Variants in KDM2B observed in about 807,000 individuals in gnomAD.
KDM2B encodes lysine demethylase 2B.
In KDM2B, 26 loss-of-function variants were observed where a neutral mutation model predicts 150.0. The observed-to-expected ratio is 0.17, with a 90% CI of 0.13 to 0.24. The LOEUF is 0.24. KDM2B is among the 10% of genes least tolerant of loss of function. KDM2B has a pLI of 1.00. For missense variants in KDM2B, 1,265 were observed against 1,816.9 expected (o/e 0.70, Z 5.52); for synonymous variants, 734 against 729.5 (o/e 1.01, Z -0.10).
chr12:121,421,395 A>AAAT, the KDM2B span, among the ~76,000 whole-genome samples: 24 of 149,834 alleles, frequency 1.6e-4, no homozygotes, highest in African/African-American at 5.4e-4. Flanking sequence ...AAAAAAAAAA[A>AAAT]AAACCAAAAA....
At position 121,546,469 on chromosome 12, in the gene KDM2B, A is replaced by T. The variant is rs1555310701; in HGVS notation, c.683+2408T>A. 6.5e-5 allele frequency among the ~76,000 whole-genome samples: 8 copies of T among 124,028 alleles called. No homozygotes were observed. The South Asian group carries it at 2.0e-3, about 32-fold the overall frequency. The allele number at this position is 124,028 out of a possible 152,430, so 81.4% of individuals were successfully genotyped here. A position where few individuals can be genotyped will look rare whatever the true frequency, so the allele number is the denominator to read the frequency against. On this transcript the variant is annotated intron_variant, in intron 6 of 22. Transcript: ENST00000377071. The stretch of plus-strand genomic sequence containing the variant: ...GCGATCTCGGCTCACTGCAAGCTCC[A>T]CCTCCTGGGTTCACATCATTCTCCT...
chr12:121,534,646 T>C, intron 6 of KDM2B, 56 bp from the exon 7 acceptor site: 1 of 1,340,672 alleles, frequency 7.5e-7, no homozygotes, highest in Non-Finnish European at 1.1e-6. Context: ...TCACAAGACG[T>C]AAGCAAAGGA....
At chr12:121,440,458 C>T (rs1226581665) in intron 21 of KDM2B, 3 of 379,432 alleles carry the variant, frequency 7.9e-6, no homozygotes, top group African/African-American at 4.1e-5. Flanking sequence ...ACACTGATCC[C>T]GATGGCAGTG....
In KDM2B at chr12:121,479,328, A is replaced by G. The variant is rs536226769; in HGVS notation, c.1734+15251T>C. ...TAAAAATACAAAAAATTAGCCAGGC[A>G]TGGTGGCGGGTGCCTGTAGTCCCAG... On this transcript the variant is annotated intron_variant, in intron 12 of 22. Transcript: ENST00000377071. Among the ~76,000 whole-genome samples the G allele has an allele frequency of 3.8e-3, 546 of 145,158 alleles. 2 individuals carry two copies. Among genetic ancestry groups the G allele is most frequent in the African/African-American group, 9.6e-3 (384 of 40,096 alleles).
chr12:121,569,661 G>A (rs925797238), intron 4 of KDM2B, among the ~76,000 whole-genome samples: 4 of 152,136 alleles, frequency 2.6e-5, no homozygotes, highest in Non-Finnish European at 4.4e-5. Flanking sequence ...CTCAGAGACC[G>A]AAATGGGCAT....
intron 12 of KDM2B, among the ~76,000 whole-genome samples, chr12:121,477,743 A>G (rs1314491298): frequency 1.3e-5 from 2 of 151,882 alleles, no homozygotes; most frequent in African/African-American, 4.8e-5. Context: ...ACACCCAGCT[A>G]ATTTTTATAT....
At position 121,442,858 on chromosome 12, in the gene KDM2B, C is replaced by A; in HGVS notation, c.2605-22G>T. 1.3e-6 allele frequency: 2 copies of A among 1,518,104 alleles called. No homozygotes were observed. Among genetic ancestry groups the A allele is most frequent in the Non-Finnish European group, 1.8e-6 (2 of 1,137,932 alleles). The allele number at this position is 1,518,104 out of a possible 1,614,324, so 94.0% of individuals were successfully genotyped here. A position where few individuals can be genotyped will look rare whatever the true frequency, so the allele number is the denominator to read the frequency against. ...GCCGCTGAGGGCGAGAGCGGAGACG[C>A]GTCAGCCTCTGGGGCTCAGGGCTGC... On this transcript the variant is annotated intron_variant, in intron 18 of 22. Transcript: ENST00000377071. This position sits in a 1 kb window ranked among gnomAD's most constrained non-coding sequence, Gnocchi z 7.7.
intron 12 of KDM2B, among the ~76,000 whole-genome samples, chr12:121,460,053 T>C (rs1376014898): frequency 6.6e-6 from 1 of 152,202 alleles, no homozygotes; most frequent in East Asian, 1.9e-4. Context: ...AAATGGCCAG[T>C]AAGCACATGA....
Position 121,467,942 on chromosome 12 carries a change from C to A in KDM2B, c.1735-14598G>T, listed in dbSNP as rs1880302001. ...ATAAGCTCTGAGAGCCCAGTCTCCC[C>A]CGACGCGGGCGGTTGGGCTGGGCCG... is the stretch of plus-strand genomic sequence containing the variant. On this transcript the variant is annotated intron_variant, in intron 12 of 22. Coordinates refer to ENST00000377071, the MANE Select transcript of KDM2B (RefSeq NM_032590.5). This position sits in a 1 kb window ranked among gnomAD's most constrained non-coding sequence, Gnocchi z 5.1. The A allele has an allele frequency of 6.5e-6, 1 of 152,704 alleles. No homozygotes were observed. 9.5% of individuals were successfully genotyped at this position (152,704 alleles called of 1,614,324 possible).
intron 22 of KDM2B, among the ~76,000 whole-genome samples, chr12:121,438,036 C>T (rs1386582592): frequency 6.6e-6 from 1 of 151,922 alleles, no homozygotes; most frequent in Non-Finnish European, 1.5e-5. Flanking sequence ...GGTGGATCAC[C>T]TGAGGTGAGG....
At chr12:121,570,439 G>T (rs1333277949) in intron 4 of KDM2B, among the ~76,000 whole-genome samples, 1 of 152,022 alleles carries the variant, frequency 6.6e-6, no homozygotes, top group Non-Finnish European at 1.5e-5. Context: ...TCCTACCTTG[G>T]CCTCCCAAAG....
Position 121,468,924 on chromosome 12 carries a change from A to C in KDM2B, c.1735-15580T>G. 1 of 151,816 alleles carries C rather than the reference A, an allele frequency of 6.6e-6. No individual in the cohort carries two copies. Among genetic ancestry groups the C allele is most frequent in the African/African-American group, 2.4e-5 (1 of 41,292 alleles). 9.4% of individuals were successfully genotyped at this position (151,816 alleles called of 1,614,324 possible). A position where few individuals can be genotyped will look rare whatever the true frequency, so the allele number is the denominator to read the frequency against. On this transcript the variant is annotated intron_variant, in intron 12 of 22. Transcript: ENST00000377071. The surrounding 1 kb of genome is among the most constrained non-coding windows in gnomAD (Gnocchi z 4.0). ...CCTTACTCTCCTTTTTTTGAGACAG[A>C]CTCTCACTCTGTCGCCCAGGCTGGA...
In KDM2B at chr12:121,492,494, G is replaced by C. The variant is rs1477905357; in HGVS notation, c.1734+2085C>G. Among the ~76,000 whole-genome samples, 3 of 151,416 alleles carry C rather than the reference G, an allele frequency of 2.0e-5. No homozygotes were observed. The East Asian group carries it at 6.0e-4, about 30-fold the overall frequency. ...AGTTAATTTTTGTATTTTTAGTAGAGACGGAGTTTCGCCATGTTGGCCAGG... is the reference window on the plus strand; with the variant it reads ...AGTTAATTTTTGTATTTTTAGTAGACACGGAGTTTCGCCATGTTGGCCAGG... On this transcript the variant is annotated intron_variant, in intron 12 of 22. Coordinates refer to ENST00000377071, the MANE Select transcript of KDM2B (RefSeq NM_032590.5).
intron 4 of KDM2B, among the ~76,000 whole-genome samples, chr12:121,550,018 A>G (rs1034664541): frequency 5.9e-5 from 9 of 152,084 alleles, no homozygotes; most frequent in African/African-American, 1.9e-4. Flanking sequence ...TCTACTAAAA[A>G]TACAAAGATG....
At chr12:121,580,322 G>A in intron 1 of KDM2B, 2 of 1,047,970 alleles carry the variant, frequency 1.9e-6, no homozygotes, top group Non-Finnish European at 1.1e-6. Context: ...CTCGGAGCCC[G>A]CGGCCGGGCT....
In KDM2B at chr12:121,509,648, C is replaced by T. The variant is rs782207043; in HGVS notation, c.1566G>A (p.Glu522=). 4 of 1,614,054 alleles carry T rather than the reference C, an allele frequency of 2.5e-6. No individual in the cohort carries two copies. The highest frequency in any genetic ancestry group is 1.3e-5 in the African/African-American group (1 of 75,036). ...TGTTCTCCGGGAGGGATTCCAGTTTCTCCACCAGAGCTTTCAGGCCCTTCA... is the reference window on the plus strand; with the variant it reads ...TGTTCTCCGGGAGGGATTCCAGTTTTTCCACCAGAGCTTTCAGGCCCTTCA... ...FELKGLKALV[E]KLESLPENKK... The change falls in exon 11 of 23, where the codon GAG becomes GAA. Residue 522 remains glutamate, a synonymous_variant. Coordinates refer to ENST00000377071, the MANE Select transcript of KDM2B (RefSeq NM_032590.5).
At chr12:121,572,808 C>T (rs1460503989) in intron 4 of KDM2B, among the ~76,000 whole-genome samples, 1 of 149,854 alleles carries the variant, frequency 6.7e-6, no homozygotes, top group African/African-American at 2.5e-5. Flanking sequence ...ACACACACCA[C>T]CACACCTGGA....
chr12:121,569,111 C>A (rs1890912807), intron 4 of KDM2B, among the ~76,000 whole-genome samples: 1 of 152,230 alleles, frequency 6.6e-6, no homozygotes, highest in South Asian at 2.1e-4. Context: ...GCTGGCCCAA[C>A]CTTCCCCACA....
intron 13 of KDM2B, among the ~76,000 whole-genome samples, chr12:121,447,985 T>C (rs1169709814): frequency 6.6e-6 from 1 of 151,932 alleles, no homozygotes; most frequent in Non-Finnish European, 1.5e-5. Flanking sequence ...TAACACGTCA[T>C]GGGTTTTCTT....
Sources: gnomAD v4.1 joint callset for allele counts (sites outside exome capture counted in the v4.1 genomes callset) on GRCh38, gnomAD v4.1.1 for gene constraint, Gnocchi (gnomAD v3.1) non-coding constraint, MANE v1.5 for transcripts, NCBI Gene and HGNC (gene_info 2026-07-23, HGNC 2026-07-21) for gene names.